The following PRKCA variants were observed in gnomAD, a reference collection of about 807,000 sequenced individuals.
PRKCA encodes protein kinase C alpha, also known as protein kinase C alpha type.
Under a neutral mutation model 87.0 loss-of-function variants are expected in PRKCA, and 27 were observed. That is an observed-to-expected ratio of 0.31 (90% CI 0.23 to 0.43). The LOEUF (loss-of-function observed/expected upper bound fraction) is 0.43, where lower values mean the gene tolerates loss of function less well. Among genes scored for constraint, PRKCA ranks in the 20% least tolerant of loss-of-function variants. The pLI is 1.00. For missense variants in PRKCA, 518 were observed against 852.3 expected (o/e 0.61, Z 4.88); for synonymous variants, 329 against 311.1 (o/e 1.06, Z -0.61).
intron 2 of PRKCA, among the ~76,000 whole-genome samples, chr17:66,422,438 C>G (rs905791087): frequency 6.6e-6 from 1 of 152,142 alleles, no homozygotes; most frequent in African/African-American, 2.4e-5. Context: ...AGCGTAAGCC[C>G]TCAATAAATA....
chr17:66,529,807 C>T (rs901987154), intron 3 of PRKCA, among the ~76,000 whole-genome samples: 3 of 152,140 alleles, frequency 2.0e-5, no homozygotes, highest in African/African-American at 7.2e-5. Context: ...TCTTAGCTGG[C>T]TAAATCACAG....
intron 3 of PRKCA, among the ~76,000 whole-genome samples, chr17:66,519,262 C>G (rs1334253518): frequency 6.6e-6 from 1 of 152,050 alleles, no homozygotes; most frequent in Non-Finnish European, 1.5e-5. Flanking sequence ...AAATTTCCAA[C>G]AACAGTTTAG....
intron 5 of PRKCA, among the ~76,000 whole-genome samples, chr17:66,681,937 T>C (rs1235033113): frequency 6.6e-6 from 1 of 152,202 alleles, no homozygotes; most frequent in Admixed American, 6.5e-5. Flanking sequence ...ATCTCCACTT[T>C]TCATCAAGCA....
Position 66,805,585 on chromosome 17 carries a change from A to G in PRKCA, c.*1548A>G, listed in dbSNP as rs1466598137. The G allele has an allele frequency of 1.3e-5, 2 of 152,240 alleles. No individual in the cohort carries two copies. The highest frequency in any genetic ancestry group is 2.1e-4 in the South Asian group (1 of 4,832). The allele number at this position is 152,240 out of a possible 1,614,324, so 9.4% of individuals were successfully genotyped here. ...TCTTACTACATATGTGTGTGTATATATATGTATTTGATTCTACCTGCAAAC... is the reference window on the plus strand; with the variant it reads ...TCTTACTACATATGTGTGTGTATATGTATGTATTTGATTCTACCTGCAAAC... On this transcript the variant is annotated 3_prime_UTR_variant, in exon 17 of 17. Coordinates refer to ENST00000413366, the MANE Select transcript of PRKCA (RefSeq NM_002737.3).
intron 5 of PRKCA, among the ~76,000 whole-genome samples, chr17:66,665,199 A>C (rs1972011925): frequency 6.6e-6 from 1 of 152,134 alleles, no homozygotes; most frequent in African/African-American, 2.4e-5. Context: ...TTACTTGTAT[A>C]ATCTTTTTTA....
intron 3 of PRKCA, among the ~76,000 whole-genome samples, chr17:66,510,335 G>A (rs1307852213): frequency 6.6e-6 from 1 of 152,196 alleles, no homozygotes; most frequent in African/African-American, 2.4e-5. Context: ...TAAGCCTAAC[G>A]AAATTATGCA....
In PRKCA at chr17:66,621,890, A is replaced by G. The variant is rs527471409; in HGVS notation, c.289-19465A>G. Among the ~76,000 whole-genome samples, 274 of 152,360 alleles carry G rather than the reference A, an allele frequency of 1.8e-3. 1 individual carries two copies. Among genetic ancestry groups the G allele is most frequent in the African/African-American group, 6.3e-3 (260 of 41,586 alleles). Reference sequence around the variant, plus strand: ...TGCAGCTAAATTCAGAGAGTCAGCAAGAAGAAAAGGGTCTTTAAAAATAAG... The same window carrying G: ...TGCAGCTAAATTCAGAGAGTCAGCAGGAAGAAAAGGGTCTTTAAAAATAAG... On this transcript the variant is annotated intron_variant, in intron 3 of 16. Coordinates refer to ENST00000413366, the MANE Select transcript of PRKCA (RefSeq NM_002737.3).
chr17:66,588,979 CTTTGT>C (rs1969710577), intron 3 of PRKCA, among the ~76,000 whole-genome samples: 1 of 152,056 alleles, frequency 6.6e-6, no homozygotes, highest in Non-Finnish European at 1.5e-5. Flanking sequence ...AGGGACTTGC[CTTTGT>C]TCTTGATGGT....
At chr17:66,750,819 C>T (rs561308535) in intron 13 of PRKCA, among the ~76,000 whole-genome samples, 1 of 152,282 alleles carries the variant, frequency 6.6e-6, no homozygotes, top group East Asian at 1.9e-4. Flanking sequence ...TGTTAATTTT[C>T]CCCACCTCCC....
intron 9 of PRKCA, among the ~76,000 whole-genome samples, chr17:66,733,498 G>C (rs1482898519): frequency 6.6e-6 from 1 of 152,184 alleles, no homozygotes; most frequent in Non-Finnish European, 1.5e-5. Flanking sequence ...GCATTAAAAT[G>C]AGGTGGAATT....
chr17:66,784,403 A>G (rs1164740426), intron 14 of PRKCA, among the ~76,000 whole-genome samples: 1 of 152,082 alleles, frequency 6.6e-6, no homozygotes, highest in Non-Finnish European at 1.5e-5. Context: ...GCGCCACCAC[A>G]GTCGGCTAAT....
At chr17:66,741,910 G>A (rs912431579) in intron 12 of PRKCA, among the ~76,000 whole-genome samples, 189 bp downstream of exon 12, 3 of 152,088 alleles carry the variant, frequency 2.0e-5, no homozygotes, top group Admixed American at 6.5e-5. Flanking sequence ...TTTCTAGACC[G>A]CAAAGACTTT....
intron 2 of PRKCA, among the ~76,000 whole-genome samples, chr17:66,360,481 C>G (rs1389487807): frequency 1.3e-5 from 2 of 152,192 alleles, no homozygotes; most frequent in Non-Finnish European, 2.9e-5. Flanking sequence ...TGGGAAAGTC[C>G]TCTATTCCTT....
Position 66,737,438 on chromosome 17 carries a change from TC to T in PRKCA, c.1231-1325del. 2.6e-5 allele frequency among the ~76,000 whole-genome samples: 4 copies of T among 152,338 alleles called. 1 individual carries two copies. The highest frequency in any genetic ancestry group is 2.6e-4 in the Admixed American group (4 of 15,308). Reference sequence around the variant, plus strand: ...TTGCCAAAGCTGGTCTTTCCACTCCTCAGAGGCTGCCCATTTAAAATATGAC... The same window carrying T: ...TTGCCAAAGCTGGTCTTTCCACTCCTAGAGGCTGCCCATTTAAAATATGAC... On this transcript the variant is annotated intron_variant, in intron 10 of 16. Coordinates refer to ENST00000413366, the MANE Select transcript of PRKCA (RefSeq NM_002737.3).
intron 3 of PRKCA, among the ~76,000 whole-genome samples, chr17:66,518,067 A>G (rs1386247834): frequency 6.6e-6 from 1 of 152,198 alleles, no homozygotes; most frequent in East Asian, 1.9e-4. Flanking sequence ...GAAAAAAAAA[A>G]GATCTCAATG....
At chr17:66,410,764 C>A (rs1444378353) in intron 2 of PRKCA, among the ~76,000 whole-genome samples, 1 of 152,112 alleles carries the variant, frequency 6.6e-6, no homozygotes, top group Non-Finnish European at 1.5e-5. Context: ...TTAGTAGAGA[C>A]AGGGTTTTAC....
chr17:66,655,850 T>G (rs1483807819), intron 5 of PRKCA, among the ~76,000 whole-genome samples: 1 of 124,824 alleles, frequency 8.0e-6, no homozygotes, highest in African/African-American at 3.3e-5. Context: ...TTTAACCCAA[T>G]TCATAAAGCC....
intron 8 of PRKCA, among the ~76,000 whole-genome samples, chr17:66,712,444 C>A (rs1973354806): frequency 6.6e-6 from 1 of 152,130 alleles, no homozygotes; most frequent in Non-Finnish European, 1.5e-5. Flanking sequence ...AGTTTCCCAG[C>A]ATGTCGGAAA....
intron 2 of PRKCA, among the ~76,000 whole-genome samples, chr17:66,400,002 A>T (rs1910924896): frequency 6.6e-6 from 1 of 152,136 alleles, no homozygotes. Flanking sequence ...TGGTACTTAA[A>T]AAGTTTCGAA....
Sources: allele counts gnomAD v4.1 joint callset (sites outside exome capture counted in the v4.1 genomes callset), GRCh38; gene constraint gnomAD v4.1.1; transcripts MANE v1.5; gene names NCBI Gene and HGNC (gene_info 2026-07-23, HGNC 2026-07-21).